The following APOB variants were observed in gnomAD, a reference collection of about 807,000 sequenced individuals.
APOB encodes the protein apolipoprotein B.
A neutral mutation model predicts 314.1 loss-of-function variants in APOB; 153 were observed. The ratio of observed to expected loss-of-function variants is 0.49; its 90% confidence interval spans 0.43 to 0.56. The LOEUF (loss-of-function observed/expected upper bound fraction) is 0.56, where lower values mean the gene tolerates loss of function less well. Among genes scored for constraint, APOB ranks in the 20% least tolerant of loss-of-function variants. The probability of loss-of-function intolerance (pLI) is 0.00; values close to 1 mark genes in which losing one functional copy is unlikely to be tolerated. For synonymous variants in APOB, 2,087 were observed against 2,036.4 expected (o/e 1.02, Z -0.67); for missense variants, 5,430 against 5,350.7 (o/e 1.01, Z -0.46).
rs775869949 is a variant in APOB at position 21,007,838 on chromosome 2, A to G, written c.9030T>C (p.Phe3010=). ...CAGTAAACTCTGCCTTCCCTTCTCC[A>G]AACAGTGCCATGCCTTTAGCAGTTA... ...SVLTAKGMAL[F]GEGKAEFTGR... is the part of the protein sequence containing the mutation. The change falls in exon 26 of 29, where the codon TTT becomes TTC. Residue 3010 remains phenylalanine, a synonymous_variant. Coordinates refer to ENST00000233242, the MANE Select transcript of APOB (RefSeq NM_000384.3). 1 of 1,614,100 alleles carries G rather than the reference A, an allele frequency of 6.2e-7. No homozygotes were observed. The highest frequency in any genetic ancestry group is 8.5e-7 in the Non-Finnish European group (1 of 1,179,958).
In APOB at chr2:21,005,221, G is replaced by A; in HGVS notation, c.11647C>T (p.Leu3883=). ...AGIVIPSFQA[L]TARFEVDSPV... ...GAGTCTACCTCAAAGCGTGCAGTCA[G>A]TGCTTGAAAGGAAGGAATGACAATT... Residue 3883 remains leucine (L), a synonymous_variant, in exon 26 of 29, where the codon CTG becomes TTG. Coordinates refer to ENST00000233242, the MANE Select transcript of APOB (RefSeq NM_000384.3). The A allele has an allele frequency of 6.2e-7, 1 of 1,614,098 alleles. No homozygotes were observed. The highest frequency in any genetic ancestry group is 8.5e-7 in the Non-Finnish European group (1 of 1,179,960).
chr2:21,021,959 T>C (rs182082299), intron 18 of APOB, among the ~76,000 whole-genome samples: 50 of 152,258 alleles, frequency 3.3e-4, no homozygotes, highest in African/African-American at 1.1e-3. Context: ...AAATATACTA[T>C]TTTTTGTTTT....
At position 21,006,505 on chromosome 2, in the gene APOB, A is replaced by G. The variant is rs965703125; in HGVS notation, c.10363T>C (p.Ser3455Pro). The G allele has an allele frequency of 1.2e-6, 2 of 1,614,156 alleles. No homozygotes were observed. Among genetic ancestry groups the G allele is most frequent in the Non-Finnish European group, 1.7e-6 (2 of 1,179,982 alleles). ...NGNTKSKPTV[S>P]SSMEFKYDFN... is the part of the protein sequence containing the mutation. ...TCATACTTAAATTCCATGGAGGAAG[A>G]GACAGTAGGTTTTGACTTGGTATTT... Residue 3455 changes from serine (S) to proline (P), a missense_variant, in exon 26 of 29, where the codon TCT becomes CCT. Ser to Pro is a moderately conservative substitution (Grantham distance 74). Coordinates refer to ENST00000233242, the MANE Select transcript of APOB (RefSeq NM_000384.3).
At position 21,007,061 on chromosome 2, in the gene APOB, T is replaced by C; in HGVS notation, c.9807A>G (p.Ala3269=). Residue 3269 remains alanine (A), a synonymous_variant, in exon 26 of 29, where the codon GCA becomes GCG. Transcript: ENST00000233242. ...CTGCTTTTGGGAACACATAGCCGAATGCCGACATCTCTATGGTGAATGGAG... is the reference window on the plus strand; with the variant it reads ...CTGCTTTTGGGAACACATAGCCGAACGCCGACATCTCTATGGTGAATGGAG... ...EVSPFTIEMS[A]FGYVFPKAVS... 3 of 1,614,060 alleles carry C rather than the reference T, an allele frequency of 1.9e-6. No homozygotes were observed. Among genetic ancestry groups the C allele is most frequent in the Non-Finnish European group, 2.5e-6 (3 of 1,179,952 alleles).
chr2:21,043,713 C>G, intron 1 of APOB, 151 bp downstream of exon 1: 1 of 1,504,976 alleles, frequency 6.6e-7, no homozygotes, highest in Non-Finnish European at 9.0e-7. Context: ...CATCCTGAGC[C>G]TGCAGGGGCC....
intron 4 of APOB, among the ~76,000 whole-genome samples, chr2:21,040,530 T>C (rs1664104278): frequency 6.6e-6 from 1 of 152,196 alleles, no homozygotes; most frequent in South Asian, 2.1e-4. Flanking sequence ...CACCGAAGCC[T>C]TGGTGCTCCT....
chr2:21,019,218 T>C, intron 19 of APOB, 105 bp from the exon 20 acceptor site: 1 of 1,401,418 alleles, frequency 7.1e-7, no homozygotes, highest in South Asian at 1.2e-5. Context: ...ATATGGTCCT[T>C]ATTTTAACAT....
rs757964071 is a variant in APOB, at chr2:21,035,596, G to T, written c.806C>A (p.Pro269His). The T allele has an allele frequency of 6.2e-7, 1 of 1,613,972 alleles. No homozygotes were observed. The highest frequency in any genetic ancestry group is 1.1e-5 in the South Asian group (1 of 91,080). ...TCACATGACCTACTTGTAGGAGAAAGGCAGGAAGAGGTGTTGCTCCTTGCA... is the reference window on the plus strand; with the variant it reads ...TCACATGACCTACTTGTAGGAGAAATGCAGGAAGAGGTGTTGCTCCTTGCA... Reference protein sequence around the residue: ...AICKEQHLFLPFSYKNKYGMV... With the variant: ...AICKEQHLFLHFSYKNKYGMV... Residue 269 changes from proline (P) to histidine (H), a missense_variant, in exon 7 of 29, where the codon CCT (proline) becomes CAT (histidine). Pro to His is a moderately conservative substitution (Grantham distance 77). Around this residue, in one of 3 missense-constraint regions of APOB, gnomAD observed 2,085 missense variants for 2,079.7 expected, o/e 1.00. Transcript: ENST00000233242.
chr2:21,019,330 A>G (rs1167754013), intron 19 of APOB, among the ~76,000 whole-genome samples: 1 of 152,108 alleles, frequency 6.6e-6, no homozygotes, highest in Non-Finnish European at 1.5e-5. Context: ...GGACAAGCAG[A>G]GCAGGAGTTG....
At chr2:21,021,016 T>C (rs1663593319) in intron 18 of APOB, among the ~76,000 whole-genome samples, 2 of 152,172 alleles carry the variant, frequency 1.3e-5, no homozygotes, top group Admixed American at 1.3e-4. Context: ...CACAACAACC[T>C]CTGTATACTA....
In APOB at chr2:21,005,776, T is replaced by C. The variant is rs757756141; in HGVS notation, c.11092A>G (p.Arg3698Gly). The change falls in exon 26 of 29, where the codon AGG becomes GGG. Residue 3698 changes from arginine (R) to glycine (G), a missense_variant. By Grantham distance (125) the Arg-to-Gly change is moderately radical. Around this residue, in one of 3 missense-constraint regions of APOB, gnomAD observed 3,281 missense variants for 3,171.0 expected, o/e 1.03. Transcript: ENST00000233242. ...GTTGAAACACGAAGATGCTGTCTCC[T>C]ACCAATGCTGGTGGTTACATCCAGC... is the stretch of plus-strand genomic sequence containing the variant. ...LKLDVTTSIGRRQHLRVSTAF... is the reference protein window; with the variant it reads ...LKLDVTTSIGGRQHLRVSTAF... 15 of 1,614,052 alleles carry C rather than the reference T, an allele frequency of 9.3e-6. No individual in the cohort carries two copies. Among genetic ancestry groups the C allele is most frequent in the Middle Eastern group, 1.7e-4 (1 of 6,058 alleles).
intron 20 of APOB, among the ~76,000 whole-genome samples, chr2:21,018,275 T>A (rs1405071497): frequency 6.6e-6 from 1 of 152,250 alleles, no homozygotes; most frequent in East Asian, 1.9e-4. Context: ...TCTGCCCTTG[T>A]CTGCCCATAG....
At chr2:21,034,463 C>A (rs974093446) in intron 8 of APOB, among the ~76,000 whole-genome samples, 2 of 152,224 alleles carry the variant, frequency 1.3e-5, no homozygotes, top group African/African-American at 4.8e-5. Context: ...CCTGAGGTTA[C>A]TATCTGGCCA....
chr2:21,033,187 T>C (rs1663921924), intron 9 of APOB, 112 bp downstream of exon 9: 2 of 803,914 alleles, frequency 2.5e-6, no homozygotes, highest in African/African-American at 1.7e-5. Context: ...GACTAATTGA[T>C]TAACTGGATT....
chr2:21,027,306 A>ATTTT (rs71391771), intron 14 of APOB, among the ~76,000 whole-genome samples: 6,219 of 105,734 alleles, frequency 0.059, 377 homozygotes, highest in Middle Eastern at 0.12. Flanking sequence ...TTGCATTTCA[A>ATTTT]TTTTTTTTTT....
Position 21,014,582 on chromosome 2 carries a change from T to C in APOB, c.3708A>G (p.Ser1236=), listed in dbSNP as rs1364648029. Residue 1236 remains serine (S), a synonymous_variant, in exon 24 of 29, where the codon TCA becomes TCG. Coordinates refer to ENST00000233242, the MANE Select transcript of APOB (RefSeq NM_000384.3). ...VGSKLIVAMS[S]WLQKASGSLP... is the part of the protein sequence containing the mutation. Reference sequence around the variant, plus strand: ...GACTCCCAGATGCCTTCTGAAGCCATGAGCTCATTGCCTACAAAATGACAG... The same window carrying C: ...GACTCCCAGATGCCTTCTGAAGCCACGAGCTCATTGCCTACAAAATGACAG... 9 of 1,613,980 alleles carry C rather than the reference T, an allele frequency of 5.6e-6. No individual in the cohort carries two copies. In the East Asian group the frequency reaches 1.8e-4, roughly 32 times the overall value.
In APOB at chr2:21,041,005, T is replaced by C. The variant is rs1558577225; in HGVS notation, c.316A>G (p.Asn106Asp). 1.9e-6 allele frequency: 3 copies of C among 1,613,904 alleles called. No homozygotes were observed. The highest frequency in any genetic ancestry group is 2.2e-5 in the South Asian group (2 of 91,000). The change falls in exon 4 of 29, where the codon AAC becomes GAC. Residue 106 changes from asparagine to aspartate, a missense_variant. By Grantham distance (23) the Asn-to-Asp change is conservative (BLOSUM62 1). Transcript: ENST00000233242. ...QCTLKEVYGF[N>D]PEGKALLKKT... Reference sequence around the variant, plus strand: ...TTCAGCAAGGCTTTGCCCTCAGGGTTGAAGCCATACACCTCTTTCAGGGTG... The same window carrying C: ...TTCAGCAAGGCTTTGCCCTCAGGGTCGAAGCCATACACCTCTTTCAGGGTG...
intron 18 of APOB, among the ~76,000 whole-genome samples, chr2:21,020,876 C>T (rs1490730186): frequency 9.2e-5 from 14 of 152,186 alleles, no homozygotes; most frequent in Non-Finnish European, 2.1e-4. Flanking sequence ...GGCTTTGGTT[C>T]TCCTTCTGCT....
rs147562348 is a variant in APOB at position 21,008,843 on chromosome 2, G to A, written c.8025C>T (p.Thr2675=). The A allele has an allele frequency of 6.2e-7, 1 of 1,613,916 alleles. No homozygotes were observed. The highest frequency in any genetic ancestry group is 8.5e-7 in the Non-Finnish European group (1 of 1,179,958). The stretch of plus-strand genomic sequence containing the variant: ...GCTCACTGTTCAGCATCTGGTCAAT[G>A]GTTCTGATGATCTTTACTTTCATTT... ...FVEMKVKIIR[T]IDQMLNSELQ... The change falls in exon 26 of 29, where the codon ACC becomes ACT. Residue 2675 remains threonine, a synonymous_variant. Transcript: ENST00000233242.
Sources: allele counts gnomAD v4.1 joint callset (sites outside exome capture counted in the v4.1 genomes callset), GRCh38; gene constraint gnomAD v4.1.1; regional missense constraint gnomAD v4.1.1; transcripts MANE v1.5; gene names NCBI Gene and HGNC (gene_info 2026-07-23, HGNC 2026-07-21).